Variants in IMMP2L observed in about 807,000 individuals in gnomAD.
IMMP2L encodes the protein inner mitochondrial membrane peptidase subunit 2.
IMMP2L carries 18 observed loss-of-function variants against 19.3 expected under a neutral mutation model. That is an observed-to-expected ratio of 0.93 (90% CI 0.64 to 1.38). The LOEUF (loss-of-function observed/expected upper bound fraction) is 1.38, where lower values mean the gene tolerates loss of function less well. Ranked by LOEUF, IMMP2L falls within the 40% of genes most tolerant of loss-of-function variation. IMMP2L has a pLI of 0.00. For missense variants in IMMP2L, 233 were observed against 218.2 expected (o/e 1.07, Z -0.43); for synonymous variants, 76 against 73.0 (o/e 1.04, Z -0.21).
intron 4 of IMMP2L, among the ~76,000 whole-genome samples, chr7:110,906,890 C>T (rs548084340): frequency 1.7e-4 from 26 of 152,216 alleles, no homozygotes; most frequent in South Asian, 1.7e-3. Context: ...GACCCCTTTG[C>T]GAGCCTTGCA....
intron 4 of IMMP2L, among the ~76,000 whole-genome samples, chr7:110,921,525 G>A (rs1814282287): frequency 6.6e-6 from 1 of 152,172 alleles, no homozygotes; most frequent in South Asian, 2.1e-4. Flanking sequence ...GAGACAAGAT[G>A]CTTTATTCAA....
intron 4 of IMMP2L, among the ~76,000 whole-genome samples, chr7:110,915,199 CTA>C (rs141803399): frequency 0.057 from 8,638 of 152,272 alleles, 316 homozygotes; most frequent in African/African-American, 0.1. Context: ...AAGTGTCCAT[CTA>C]TAGATTATCA....
At chr7:110,748,069 T>C (rs888134554) in intron 5 of IMMP2L, among the ~76,000 whole-genome samples, 2 of 152,198 alleles carry the variant, frequency 1.3e-5, no homozygotes, top group African/African-American at 2.4e-5. Flanking sequence ...ACAAAATCAA[T>C]GTGCAAAAAT....
intron 5 of IMMP2L, among the ~76,000 whole-genome samples, chr7:110,797,600 G>A (rs73716433): frequency 0.065 from 9,835 of 151,988 alleles, 375 homozygotes; most frequent in African/African-American, 0.091. Flanking sequence ...CAGCAAGTTC[G>A]TGCTTGTAAG....
intron 3 of IMMP2L, among the ~76,000 whole-genome samples, chr7:111,057,299 T>C (rs1457106415): frequency 6.6e-6 from 1 of 152,140 alleles, no homozygotes; most frequent in Non-Finnish European, 1.5e-5. Flanking sequence ...CTCCAGAATA[T>C]GAAAGGGACT....
chr7:111,363,732 GTATCTCCAAAT>G (rs1829476103), intron 3 of IMMP2L, among the ~76,000 whole-genome samples: 1 of 151,840 alleles, frequency 6.6e-6, no homozygotes, highest in Non-Finnish European at 1.5e-5. Context: ...AACCTTCAAG[GTATCTCCAAAT>G]TAAAATACAA....
At chr7:110,904,822 C>T (rs931042577) in intron 4 of IMMP2L, among the ~76,000 whole-genome samples, 1 of 152,158 alleles carries the variant, frequency 6.6e-6, no homozygotes, top group African/African-American at 2.4e-5. Context: ...CAAGAGAGGC[C>T]TGTTTTACTT....
At chr7:111,082,874 A>AAAAT (rs779468644) in intron 3 of IMMP2L, among the ~76,000 whole-genome samples, 1 of 151,058 alleles carries the variant, frequency 6.6e-6, no homozygotes, top group East Asian at 1.9e-4. Flanking sequence ...AAAAAAAAAA[A>AAAAT]TGACACGTGT....
intron 1 of IMMP2L, among the ~76,000 whole-genome samples, 179 bp downstream of exon 1, chr7:111,561,672 A>C (rs1359141457): frequency 6.6e-6 from 1 of 152,116 alleles, no homozygotes; most frequent in Admixed American, 6.5e-5. Flanking sequence ...TGTGAGGCTG[A>C]AAACAGTCCG....
intron 3 of IMMP2L, among the ~76,000 whole-genome samples, chr7:111,380,601 A>G (rs968985608): frequency 6.6e-6 from 1 of 152,050 alleles, no homozygotes; most frequent in Non-Finnish European, 1.5e-5. Context: ...TTCCTTAATT[A>G]TAAGCAGCAG....
intron 3 of IMMP2L, among the ~76,000 whole-genome samples, chr7:111,115,423 A>G (rs1799759969): frequency 6.6e-6 from 1 of 152,222 alleles, no homozygotes; most frequent in African/African-American, 2.4e-5. Flanking sequence ...GAATTTTCAT[A>G]AAAAATGACA....
At chr7:111,146,765 A>AAAAACAAATCGATATTGTTCT (rs1474180162) in intron 3 of IMMP2L, among the ~76,000 whole-genome samples, 7 of 152,282 alleles carry the variant, frequency 4.6e-5, no homozygotes, top group Non-Finnish European at 7.4e-5. Flanking sequence ...ACGTTTTGAA[A>AAAAACAAATCGATATTGTTCT]AAAACAAATC....
intron 3 of IMMP2L, among the ~76,000 whole-genome samples, chr7:111,252,659 G>A (rs1816280530): frequency 6.6e-6 from 1 of 152,140 alleles, no homozygotes; most frequent in African/African-American, 2.4e-5. Context: ...GGGTCCTTGA[G>A]CATTTAAATT....
intron 3 of IMMP2L, chr7:111,125,517 A>G (rs1287265463): frequency 1.8e-5 from 3 of 165,580 alleles, no homozygotes; most frequent in African/African-American, 7.2e-5. Flanking sequence ...CTATAATGAA[A>G]TTTGGAATGC....
chr7:111,241,460 G>T (rs111972681), intron 3 of IMMP2L, among the ~76,000 whole-genome samples: 1 of 151,784 alleles, frequency 6.6e-6, no homozygotes, highest in Non-Finnish European at 1.5e-5. Context: ...GCAAATTCTG[G>T]CTCTAGAGCT....
At chr7:111,133,990 C>G (rs965609473) in intron 3 of IMMP2L, among the ~76,000 whole-genome samples, 2 of 151,918 alleles carry the variant, frequency 1.3e-5, no homozygotes, top group Non-Finnish European at 2.9e-5. Flanking sequence ...TACTGTCTCC[C>G]CAAAGGACAA....
intron 4 of IMMP2L, among the ~76,000 whole-genome samples, chr7:110,908,793 C>A (rs1204170983): frequency 6.6e-6 from 1 of 152,162 alleles, no homozygotes; most frequent in Non-Finnish European, 1.5e-5. Flanking sequence ...ACTGGATTCA[C>A]AAATGAAATT....
At chr7:111,105,607 A>T (rs973550462) in intron 3 of IMMP2L, among the ~76,000 whole-genome samples, 1 of 151,898 alleles carries the variant, frequency 6.6e-6, no homozygotes, top group African/African-American at 2.4e-5. Flanking sequence ...ACTTTCTAAG[A>T]AACAAATACA....
chr7:111,500,054 G>A (rs1218635707), intron 2 of IMMP2L, among the ~76,000 whole-genome samples: 2 of 152,078 alleles, frequency 1.3e-5, no homozygotes, highest in African/African-American at 4.8e-5. Context: ...CCCTTTCCTA[G>A]TCAAAGAAAG....
Sources: allele counts gnomAD v4.1 joint callset (sites outside exome capture counted in the v4.1 genomes callset), GRCh38; gene constraint gnomAD v4.1.1; transcripts MANE v1.5; gene names NCBI Gene and HGNC (gene_info 2026-07-23, HGNC 2026-07-21).